Variants in ACAD8 observed in about 807,000 individuals in gnomAD.
ACAD8 encodes isobutyryl-CoA dehydrogenase, mitochondrial.
ACAD8 carries 47 observed loss-of-function variants against 53.1 expected under a neutral mutation model. The ratio of observed to expected loss-of-function variants is 0.89; its 90% CI spans 0.70 to 1.13. The LOEUF (loss-of-function observed/expected upper bound fraction) is 1.13, where lower values mean the gene tolerates loss of function less well. Ranked by LOEUF, ACAD8 falls within the 50% of genes most tolerant of loss-of-function variation. ACAD8 has a pLI of 0.00. For missense variants in ACAD8, 494 were observed against 535.0 expected, an observed-to-expected ratio of 0.92 and a Z score of 0.76; for synonymous variants, 198 against 201.3, an observed-to-expected ratio of 0.98 and a Z score of 0.14.
At chr11:134,263,431 C>A (rs1455722437) in intron 10 of ACAD8, 1 of 982,998 alleles carries the variant, frequency 1.0e-6, no homozygotes, top group Non-Finnish European at 1.2e-6. Context: ...TCCAGAGGGT[C>A]TAGTGTGGGC....
At chr11:134,260,051 T>C in intron 6 of ACAD8, 4 of 1,227,636 alleles carry the variant, frequency 3.3e-6, no homozygotes, top group Non-Finnish European at 3.1e-6. Flanking sequence ...GTGCACTTTG[T>C]TGCTCCAGGA....
rs572837663 is a variant in ACAD8, at chr11:134,258,122, T to G, written c.381-393T>G. 2.1e-5 allele frequency: 7 copies of G among 331,562 alleles called. No individual in the cohort carries two copies. In the Admixed American group the frequency reaches 2.6e-4, roughly 12 times the overall value. 20.5% of individuals were successfully genotyped at this position (331,562 alleles called of 1,614,324 possible). ...GCCTCGGCCTCCCATAGTGCTGGGA[T>G]TACAGATGTGAGCCACCGCACCCGG... On this transcript the variant is annotated intron_variant, in intron 3 of 10. Transcript: ENST00000281182.
In ACAD8 at chr11:134,261,737, G is replaced by A; in HGVS notation, c.940-1G>A. 1 of 1,613,694 alleles carries A rather than the reference G, an allele frequency of 6.2e-7. No individual in the cohort carries two copies. On this transcript the variant is annotated splice_acceptor_variant, in intron 8 of 10. Transcript: ENST00000281182. LOFTEE classifies it high-confidence loss of function. The surrounding 1 kb of genome is among the most constrained non-coding windows in gnomAD (Gnocchi z 4.2). ...CTGGTTCTCTGCTCCCTGTGCTGCA[G>A]TACTTGCAATTCACACTGGCTGATA...
At position 134,265,454 on chromosome 11, in the gene ACAD8, A is replaced by G. The variant is rs148808998; in HGVS notation, c.*494A>G. On this transcript the variant is annotated 3_prime_UTR_variant, in exon 11 of 11. Coordinates refer to ENST00000281182, the MANE Select transcript of ACAD8 (RefSeq NM_014384.3). Reference sequence around the variant, plus strand: ...GATGCAGAAGGTTTCTCTGGATAGCACACCTCTGAATGTAAATCATGATAA... The same window carrying G: ...GATGCAGAAGGTTTCTCTGGATAGCGCACCTCTGAATGTAAATCATGATAA... 4.7e-4 allele frequency: 76 copies of G among 161,538 alleles called. 1 individual carries two copies. In the East Asian group the frequency reaches 0.011, roughly 22 times the overall value. The allele number at this position is 161,538 out of a possible 1,614,324, so 10.0% of individuals were successfully genotyped here.
intron 10 of ACAD8, among the ~76,000 whole-genome samples, chr11:134,264,620 A>T (rs1304872118): frequency 1.3e-5 from 2 of 152,332 alleles, no homozygotes; most frequent in Middle Eastern, 3.4e-3. Context: ...GTACATTTTT[A>T]ATTTTAATTA....
chr11:134,257,338 G>C, intron 3 of ACAD8, 81 bp downstream of exon 3: 1 of 1,543,148 alleles, frequency 6.5e-7, no homozygotes, highest in Non-Finnish European at 8.9e-7. Flanking sequence ...GAAAAAGATT[G>C]ATCTTTTGAA....
At chr11:134,253,838 C>G (rs1356925009) in intron 1 of ACAD8, 129 bp downstream of exon 1, 2 of 1,020,770 alleles carry the variant, frequency 2.0e-6, no homozygotes, top group Non-Finnish European at 2.9e-6. Flanking sequence ...CCAGTCACCC[C>G]CCCGGCCTGG....
chr11:134,262,116 T>TG, intron 9 of ACAD8: 1 of 682,906 alleles, frequency 1.5e-6, no homozygotes, highest in Non-Finnish European at 2.7e-6. Context: ...GTCACTGTTG[T>TG]TTGGTTGTGT....
chr11:134,258,446 C>A, intron 3 of ACAD8, 69 bp from the exon 4 acceptor site: 1 of 1,072,002 alleles, frequency 9.3e-7, no homozygotes, highest in Non-Finnish European at 1.4e-6. Context: ...CTTTCCCCTT[C>A]TCCCCCATTT....
intron 6 of ACAD8, 65 bp downstream of exon 6, chr11:134,259,810 C>T: frequency 1.9e-6 from 3 of 1,612,356 alleles, no homozygotes; most frequent in Non-Finnish European, 2.5e-6. Context: ...AGCCCAACTC[C>T]TGCTCTATTT....
rs995801278 is a variant in ACAD8, at chr11:134,253,636, C to G, written c.36C>G (p.Arg12=). ...GCGGCTGCCGGCGTTTCGGGGCGCG[C>G]CTCGGCTGCCTGCCCGGCGGTCTCC... ...LWSGCRRFGA[R]LGCLPGGLRV... Residue 12 remains arginine, a synonymous_variant, in exon 1 of 11, where the codon CGC becomes CGG. Transcript: ENST00000281182. 2 of 1,586,248 alleles carry G rather than the reference C, an allele frequency of 1.3e-6. No individual in the cohort carries two copies. The highest frequency in any genetic ancestry group is 1.8e-5 in the Admixed American group (1 of 56,422).
intron 10 of ACAD8, among the ~76,000 whole-genome samples, chr11:134,264,559 G>A (rs1319960753): frequency 1.3e-5 from 2 of 152,142 alleles, no homozygotes; most frequent in East Asian, 3.8e-4. Flanking sequence ...TCTACATCCA[G>A]AATGTTATTT....
intron 6 of ACAD8, 77 bp from the exon 7 acceptor site, chr11:134,260,965 TCA>T: frequency 6.4e-7 from 1 of 1,554,662 alleles, no homozygotes; most frequent in Admixed American, 1.8e-5. Flanking sequence ...AACCCATACC[TCA>T]CAGGCTCCCG....
rs976516395 is a variant in ACAD8 at position 134,253,809 on chromosome 11, G to T, written c.109+100G>T. ...CTCCCCGTTCCATCCAGTCACCCCG[G>T]CGTCAGCTCCCCTTCCGGCCAGTCA... On this transcript the variant is annotated intron_variant, in intron 1 of 10. Coordinates refer to ENST00000281182, the MANE Select transcript of ACAD8 (RefSeq NM_014384.3). The T allele has an allele frequency of 4.7e-5, 59 of 1,258,004 alleles. No individual in the cohort carries two copies. In the African/African-American group the frequency reaches 6.5e-4, roughly 14 times the overall value. The allele number at this position is 1,258,004 out of a possible 1,614,324, so 77.9% of individuals were successfully genotyped here.
At position 134,257,314 on chromosome 11, in the gene ACAD8, G is replaced by A. The variant is rs1254221879; in HGVS notation, c.380+57G>A. ...GTGCTCACTCGGGCTGACTGTGAGA[G>A]TTCAGATTCGTAGGAAAAAGATTGA... On this transcript the variant is annotated intron_variant, in intron 3 of 10. Coordinates refer to ENST00000281182, the MANE Select transcript of ACAD8 (RefSeq NM_014384.3). 2.5e-6 allele frequency: 4 copies of A among 1,587,066 alleles called. No individual in the cohort carries two copies. In the Admixed American group the frequency reaches 6.7e-5, roughly 27 times the overall value.
At chr11:134,264,095 C>T (rs955211566) in intron 10 of ACAD8, 9 of 972,310 alleles carry the variant, frequency 9.3e-6, no homozygotes, top group Admixed American at 6.2e-5. Context: ...CTATAATCGC[C>T]GCACTTTGGG....
At chr11:134,263,860 T>C (rs1268898593) in intron 10 of ACAD8, 29 of 985,350 alleles carry the variant, frequency 2.9e-5, no homozygotes, top group South Asian at 4.7e-5. Context: ...ATCTACAGTT[T>C]ATGCTTTATT....
At chr11:134,256,237 C>G (rs1357790126) in intron 1 of ACAD8, among the ~76,000 whole-genome samples, 2 of 152,232 alleles carry the variant, frequency 1.3e-5, no homozygotes, top group Non-Finnish European at 1.5e-5. Context: ...GTTATAATGA[C>G]CAAAGTTCTA....
Position 134,261,160 on chromosome 11 carries a change from C to T in ACAD8, c.822C>T (p.Asn274=), listed in dbSNP as rs371156848. ...TCCTCATTGCCGTGAGAGGACTGAA[C>T]GGAGGGAGGATCAATATTGGTGAGA... ...QGFLIAVRGL[N]GGRINIASCS... Residue 274 remains asparagine, a synonymous_variant, in exon 7 of 11, where the codon AAC becomes AAT. Transcript: ENST00000281182. This position sits in a 1 kb window ranked among gnomAD's most constrained non-coding sequence, Gnocchi z 4.2. 31 of 1,612,876 alleles carry T rather than the reference C, an allele frequency of 1.9e-5. No homozygotes were observed. Among genetic ancestry groups the T allele is most frequent in the Non-Finnish European group, 2.4e-5 (28 of 1,179,598 alleles).
Sources: gnomAD v4.1 joint callset for allele counts (sites outside exome capture counted in the v4.1 genomes callset) on GRCh38, gnomAD v4.1.1 for gene constraint, Gnocchi (gnomAD v3.1) non-coding constraint, MANE v1.5 for transcripts, NCBI Gene and HGNC (gene_info 2026-07-23, HGNC 2026-07-21) for gene names.